Variants in MTAP observed in about 807,000 individuals in gnomAD.
The protein encoded by MTAP is S-methyl-5'-thioadenosine phosphorylase.
Under a neutral mutation model 33.6 loss-of-function variants are expected in MTAP, and 33 were observed. The observed-to-expected ratio is 0.98, with a 90% confidence interval of 0.74 to 1.31. MTAP has a LOEUF of 1.31. MTAP is among the 40% of genes most tolerant of loss of function. MTAP has a pLI of 0.00. For missense variants in MTAP, 367 were observed against 360.0 expected (o/e 1.02, Z -0.16); for synonymous variants, 148 against 125.7 (o/e 1.18, Z -1.19).
At chr9:21,895,278 C>T (rs537935693) in intron 1 of MTAP, among the ~76,000 whole-genome samples, 65 of 151,592 alleles carry the variant, frequency 4.3e-4, no homozygotes, top group Non-Finnish European at 8.1e-4. Flanking sequence ...CTTCAAAGTA[C>T]ACTACAAGGC....
At chr9:21,813,902 A>G (rs1359280924) in intron 1 of MTAP, 1 of 152,096 alleles carries the variant, frequency 6.6e-6, no homozygotes, top group African/African-American at 2.4e-5. Context: ...AATTTTTGTT[A>G]TTTTCTATTG....
chr9:21,913,358 A>T (rs932239777), intron 1 of MTAP, among the ~76,000 whole-genome samples: 6 of 152,224 alleles, frequency 3.9e-5, no homozygotes, highest in Admixed American at 3.9e-4. Flanking sequence ...TGGAGGCATC[A>T]CGCTACCTGA....
intron 5 of MTAP, among the ~76,000 whole-genome samples, chr9:21,847,473 A>G (rs998524445): frequency 1.3e-5 from 2 of 152,214 alleles, no homozygotes; most frequent in Admixed American, 6.5e-5. Flanking sequence ...GATAACACCA[A>G]TAGTCCTTGA....
At chr9:21,826,557 A>G (rs931830178) in intron 4 of MTAP, among the ~76,000 whole-genome samples, 3 of 151,436 alleles carry the variant, frequency 2.0e-5, no homozygotes, top group Non-Finnish European at 4.4e-5. Flanking sequence ...TGTGATGTCC[A>G]GTTGTCCCTT....
At chr9:21,915,101 TC>T (rs1818666145) in intron 1 of MTAP, among the ~76,000 whole-genome samples, 1 of 128,792 alleles carries the variant, frequency 7.8e-6, no homozygotes, top group African/African-American at 3.5e-5. Flanking sequence ...TTCTTTTCTT[TC>T]GGCAGAGTCT....
intron 1 of MTAP, among the ~76,000 whole-genome samples, chr9:21,873,486 C>T (rs531075002): frequency 2.0e-5 from 3 of 152,018 alleles, no homozygotes; most frequent in African/African-American, 4.8e-5. Context: ...AAATAAGGCC[C>T]GAGGGAGCTC....
chr9:21,926,665 C>T (rs542186511), intron 1 of MTAP, among the ~76,000 whole-genome samples: 2 of 152,218 alleles, frequency 1.3e-5, no homozygotes, highest in South Asian at 4.2e-4. Flanking sequence ...ATTTGCAGGA[C>T]CTAACTCTTG....
rs924241686 is a variant in MTAP, at chr9:21,862,341, A to G, written c.*327A>G. 2.6e-5 allele frequency: 6 copies of G among 231,996 alleles called. No individual in the cohort carries two copies. In the Admixed American group the frequency reaches 3.3e-4, roughly 13 times the overall value. The allele number at this position is 231,996 out of a possible 1,614,324, so 14.4% of individuals were successfully genotyped here. On this transcript the variant is annotated 3_prime_UTR_variant, in exon 8 of 8. Coordinates refer to ENST00000644715, the MANE Select transcript of MTAP (RefSeq NM_002451.4). ...GGTGGAGGGTAATCTCTACTTTCCT[A>G]TACTGCCAAAGAATGTGAGGAAGAA...
chr9:21,808,154 G>A (rs1824253989), intron 1 of MTAP, among the ~76,000 whole-genome samples: 2 of 152,196 alleles, frequency 1.3e-5, no homozygotes, highest in African/African-American at 4.8e-5. Context: ...ATATTCAGAT[G>A]TCCACCGAAG....
At chr9:21,812,230 G>A in intron 1 of MTAP, 1 of 222,312 alleles carries the variant, frequency 4.5e-6, no homozygotes, top group Admixed American at 4.8e-5. Context: ...CCAGGGAAAT[G>A]CAGACAGATG....
At position 21,862,180 on chromosome 9, in the gene MTAP, T is replaced by C; in HGVS notation, c.*166T>C. 1 of 1,409,450 alleles carries C rather than the reference T, an allele frequency of 7.1e-7. No homozygotes were observed. The allele number at this position is 1,409,450 out of a possible 1,614,324, so 87.3% of individuals were successfully genotyped here. ...AGACATTGTGTGTATTAGAGACTCC[T>C]GAATGATTTAGACAACTTCAAAATA... On this transcript the variant is annotated 3_prime_UTR_variant, in exon 8 of 8. Transcript: ENST00000644715.
chr9:21,816,706 G>A lies in MTAP; in HGVS notation c.121-8G>A, dbSNP rs930677300. 7 of 1,606,864 alleles carry A rather than the reference G, an allele frequency of 4.4e-6. No homozygotes were observed. Among genetic ancestry groups the A allele is most frequent in the Admixed American group, 1.7e-5 (1 of 58,792 alleles). On this transcript the variant is annotated splice_region_variant and splice_polypyrimidine_tract_variant and intron_variant, in intron 2 of 7. Coordinates refer to ENST00000644715, the MANE Select transcript of MTAP (RefSeq NM_002451.4). ...CTGAGTTAAATGTCATTTTTTCATT[G>A]CATGCAGCCATCTGATGCCTTAATT...
intron 1 of MTAP, among the ~76,000 whole-genome samples, chr9:21,890,391 A>G (rs868765113): frequency 6.6e-6 from 1 of 152,236 alleles, no homozygotes; most frequent in African/African-American, 2.4e-5. Context: ...TTTCAGGCCC[A>G]GTCCCTTCTC....
At chr9:21,868,559 G>C (rs1029280655), downstream of MTAP, among the ~76,000 whole-genome samples, 1 of 152,000 alleles carries the variant, frequency 6.6e-6, no homozygotes, top group African/African-American at 2.4e-5. Context: ...ATCAGTTTAG[G>C]AGCCTCTTTT....
At chr9:21,929,585 G>T (rs761104875) in intron 1 of MTAP, 13 of 366,262 alleles carry the variant, frequency 3.5e-5, no homozygotes, top group Non-Finnish European at 6.3e-5. Context: ...ACCAAATGCT[G>T]GTTATGTACT....
At chr9:21,907,675 T>G (rs966140126) in intron 1 of MTAP, among the ~76,000 whole-genome samples, 2 of 151,114 alleles carry the variant, frequency 1.3e-5, no homozygotes, top group South Asian at 2.1e-4. Context: ...GTGTGGGTGT[T>G]TTTTTTTTAC....
At position 21,802,681 on chromosome 9, in the gene MTAP, C is replaced by T; in HGVS notation, c.-68C>T. The T allele has an allele frequency of 6.4e-7, 1 of 1,557,670 alleles. No homozygotes were observed. The highest frequency in any genetic ancestry group is 8.7e-7 in the Non-Finnish European group (1 of 1,146,442). ...CGCAGTGAGGTTGGCACAGCCACCGCTCTGTGGCTCGCTTGGTTCCCTTAG... is the reference window on the plus strand; with the variant it reads ...CGCAGTGAGGTTGGCACAGCCACCGTTCTGTGGCTCGCTTGGTTCCCTTAG... On this transcript the variant is annotated 5_prime_UTR_variant, in exon 1 of 8. Coordinates refer to ENST00000644715, the MANE Select transcript of MTAP (RefSeq NM_002451.4).
intron 6 of MTAP, among the ~76,000 whole-genome samples, chr9:21,857,771 A>G (rs1474304984): frequency 6.6e-6 from 1 of 152,208 alleles, no homozygotes; most frequent in Non-Finnish European, 1.5e-5. Context: ...ATAATTCTTT[A>G]ATATACCCAG....
At chr9:21,907,870 G>A (rs1818500233) in intron 1 of MTAP, among the ~76,000 whole-genome samples, 1 of 151,904 alleles carries the variant, frequency 6.6e-6, no homozygotes, top group African/African-American at 2.4e-5. Context: ...TAACATGCAA[G>A]TCTCAAATAA....
Sources: gnomAD v4.1 joint callset for allele counts (sites outside exome capture counted in the v4.1 genomes callset) on GRCh38, gnomAD v4.1.1 for gene constraint, MANE v1.5 for transcripts, NCBI Gene and HGNC (gene_info 2026-07-23, HGNC 2026-07-21) for gene names.